The following PDE4B variants were observed in gnomAD, a reference collection of about 807,000 sequenced individuals.
PDE4B encodes 3',5'-cyclic-AMP phosphodiesterase 4B.
A neutral mutation model predicts 82.2 loss-of-function variants in PDE4B; 20 were observed. The ratio of observed to expected loss-of-function variants is 0.24; its 90% confidence interval spans 0.17 to 0.35. The LOEUF (loss-of-function observed/expected upper bound fraction) is 0.35. Ranked by LOEUF, PDE4B falls within the 10% of genes least tolerant of loss-of-function variation. PDE4B has a pLI of 1.00. For synonymous variants in PDE4B, 320 were observed against 318.9 expected, an observed-to-expected ratio of 1.00 and a Z score of -0.04; for missense variants, 655 against 907.2, an observed-to-expected ratio of 0.72 and a Z score of 3.57.
intron 3 of PDE4B, among the ~76,000 whole-genome samples, chr1:65,973,810 T>G (rs1421406909): frequency 1.1e-4 from 2 of 18,876 alleles, no homozygotes; most frequent in Non-Finnish European, 2.3e-4. Context: ...TAGCACTGGG[T>G]TTTTTTTTTT....
At chr1:66,075,917 A>T (rs1485116548) in intron 3 of PDE4B, among the ~76,000 whole-genome samples, 1 of 43,112 alleles carries the variant, frequency 2.3e-5, no homozygotes, top group East Asian at 7.3e-4. Flanking sequence ...AACAAAACAA[A>T]ACAAAACAAA....
At chr1:65,913,123 T>C (rs976698588) in intron 1 of PDE4B, 122 bp from the exon 2 acceptor site, 1 of 456,144 alleles carries the variant, frequency 2.2e-6, no homozygotes, top group African/African-American at 2.0e-5. Flanking sequence ...GCTTGGGAAA[T>C]TATGATGTTT....
chr1:66,002,243 C>T (rs1026166181), intron 3 of PDE4B, among the ~76,000 whole-genome samples: 3 of 151,796 alleles, frequency 2.0e-5, no homozygotes, highest in African/African-American at 4.8e-5. Context: ...CTAGTAATAC[C>T]GAACATCTTT....
intron 1 of PDE4B, among the ~76,000 whole-genome samples, chr1:65,862,062 C>CAGTAT (rs71244506): frequency 0.11 from 16,638 of 152,036 alleles, 1,025 homozygotes; most frequent in Non-Finnish European, 0.14. Flanking sequence ...CTTGATTGAC[C>CAGTAT]TGCCCAGAAC....
Position 66,372,860 on chromosome 1 carries a change from G to A in PDE4B, c.*182G>A, listed in dbSNP as rs2050833961. Reference sequence around the variant, plus strand: ...CAAATAGCAGCTCAGGAAATCCCACGGTTGACTTGCCTTGATGGCAAGCTT... The same window carrying A: ...CAAATAGCAGCTCAGGAAATCCCACAGTTGACTTGCCTTGATGGCAAGCTT... On this transcript the variant is annotated 3_prime_UTR_variant, in exon 17 of 17. Coordinates refer to ENST00000341517, the MANE Select transcript of PDE4B (RefSeq NM_002600.4). The A allele has an allele frequency of 5.0e-6, 3 of 594,740 alleles. No individual in the cohort carries two copies. The highest frequency in any genetic ancestry group is 3.0e-5 in the Admixed American group (1 of 32,926). The allele number at this position is 594,740 out of a possible 1,614,324, so 36.8% of individuals were successfully genotyped here.
At chr1:66,033,559 A>C (rs1653908718) in intron 3 of PDE4B, among the ~76,000 whole-genome samples, 1 of 152,128 alleles carries the variant, frequency 6.6e-6, no homozygotes, top group Non-Finnish European at 1.5e-5. Context: ...TTCTTAAAAA[A>C]TGATGCATGC....
At chr1:66,317,245 T>G (rs1166768250) in intron 7 of PDE4B, among the ~76,000 whole-genome samples, 1 of 150,804 alleles carries the variant, frequency 6.6e-6, no homozygotes, top group Admixed American at 6.6e-5. Flanking sequence ...CATCCAGGGG[T>G]TCTTACTGAA....
intron 7 of PDE4B, among the ~76,000 whole-genome samples, chr1:66,314,499 G>A (rs957092343): frequency 1.3e-5 from 2 of 152,044 alleles, no homozygotes; most frequent in African/African-American, 4.8e-5. Flanking sequence ...TGCAACCTCT[G>A]TCTCCCAGGT....
chr1:66,172,845 A>C (rs964971745), intron 3 of PDE4B, among the ~76,000 whole-genome samples: 1 of 152,158 alleles, frequency 6.6e-6, no homozygotes, highest in Admixed American at 6.5e-5. Context: ...TTATAATATG[A>C]TGTTTAAAGG....
chr1:66,197,797 A>G (rs1022635128), intron 3 of PDE4B, among the ~76,000 whole-genome samples: 1 of 152,202 alleles, frequency 6.6e-6, no homozygotes, highest in African/African-American at 2.4e-5. Context: ...TCTGGGATTT[A>G]ACCTGAAAGT....
intron 1 of PDE4B, among the ~76,000 whole-genome samples, chr1:65,828,219 A>T (rs889156380): frequency 6.6e-6 from 1 of 152,186 alleles, no homozygotes; most frequent in Non-Finnish European, 1.5e-5. Flanking sequence ...TGGAATAAGT[A>T]AAAGTATAAT....
At chr1:65,862,487 C>T (rs1646465149) in intron 1 of PDE4B, among the ~76,000 whole-genome samples, 2 of 152,134 alleles carry the variant, frequency 1.3e-5, no homozygotes, top group Admixed American at 6.6e-5. Flanking sequence ...CAATGTTCAT[C>T]AGGGATATTG....
chr1:66,145,845 G>A (rs1286678582), intron 3 of PDE4B, among the ~76,000 whole-genome samples: 4 of 152,150 alleles, frequency 2.6e-5, no homozygotes, highest in Non-Finnish European at 4.4e-5. Context: ...ACTAAGTAGT[G>A]TTTTTCTCCT....
intron 1 of PDE4B, among the ~76,000 whole-genome samples, chr1:65,848,309 T>G (rs12128395): frequency 0.11 from 16,712 of 152,022 alleles, 1,062 homozygotes; most frequent in Non-Finnish European, 0.14. Context: ...TGGCTAATTT[T>G]TGTGTGTGTG....
chr1:66,234,328 GC>G (rs1206462503), intron 3 of PDE4B, among the ~76,000 whole-genome samples: 2 of 152,052 alleles, frequency 1.3e-5, no homozygotes, highest in Middle Eastern at 3.2e-3. Context: ...TTGCTCTGTC[GC>G]CAAGACTGGA....
chr1:65,997,480 A>G (rs1193493479), intron 3 of PDE4B, among the ~76,000 whole-genome samples: 1 of 152,146 alleles, frequency 6.6e-6, no homozygotes, highest in African/African-American at 2.4e-5. Context: ...GAGAATAGGA[A>G]AAAAAACAGT....
intron 3 of PDE4B, among the ~76,000 whole-genome samples, chr1:66,030,071 A>C (rs1469141360): frequency 7.2e-6 from 1 of 139,726 alleles, no homozygotes; most frequent in Non-Finnish European, 1.5e-5. Context: ...GGGATGTTGG[A>C]TTTTATTGAA....
At chr1:65,849,635 A>G (rs781173757) in intron 1 of PDE4B, among the ~76,000 whole-genome samples, 1 of 152,140 alleles carries the variant, frequency 6.6e-6, no homozygotes, top group Non-Finnish European at 1.5e-5. Context: ...CTGCAAAACT[A>G]CCTGAGGGAA....
At chr1:65,973,643 T>C (rs1017024594) in intron 3 of PDE4B, among the ~76,000 whole-genome samples, 6 of 152,156 alleles carry the variant, frequency 3.9e-5, no homozygotes, top group Admixed American at 6.5e-5. Flanking sequence ...GAAGGTATTG[T>C]GGGAAAAACA....
Sources: allele counts gnomAD v4.1 joint callset (sites outside exome capture counted in the v4.1 genomes callset), GRCh38; gene constraint gnomAD v4.1.1; transcripts MANE v1.5; gene names NCBI Gene and HGNC (gene_info 2026-07-23, HGNC 2026-07-21).